AZIN2: variants seen among roughly 807,000 people sequenced by gnomAD.
AZIN2 encodes the protein ODC antizyme inhibitor-2.
In AZIN2, 28 loss-of-function variants were observed where a neutral mutation model predicts 47.8. The observed-to-expected ratio is 0.59, with a 90% CI of 0.43 to 0.80. AZIN2 has a LOEUF of 0.80. Among genes scored for constraint, AZIN2 ranks in the 30% least tolerant of loss-of-function variants. The pLI, the probability that AZIN2 is intolerant of heterozygous loss-of-function variation, is 0.00. For missense variants in AZIN2, 535 were observed against 582.5 expected (o/e 0.92, Z 0.84); for synonymous variants, 221 against 239.4 (o/e 0.92, Z 0.71).
intron 5 of AZIN2, among the ~76,000 whole-genome samples, chr1:33,086,042 G>A (rs961953972): frequency 1.3e-5 from 2 of 152,192 alleles, no homozygotes; most frequent in African/African-American, 4.8e-5. Flanking sequence ...GGAGGAGCTT[G>A]GTTCTGTAGA....
rs546616986 is a variant in AZIN2, at chr1:33,113,463, T to A, written c.1030-4439T>A. Among the ~76,000 whole-genome samples the A allele has an allele frequency of 6.6e-6, 1 of 152,196 alleles. No homozygotes were observed. Among genetic ancestry groups the A allele is most frequent in the Non-Finnish European group, 1.5e-5 (1 of 68,040 alleles). On this transcript the variant is annotated intron_variant, in intron 10 of 11. Coordinates refer to ENST00000294517, the MANE Select transcript of AZIN2 (RefSeq NM_052998.4). The surrounding 1 kb of genome is among the most constrained non-coding windows in gnomAD (Gnocchi z 4.1). ...AACCACACCCACCCCCTTAAGATTT[T>A]CCAGGTGGGCAAATACGTTATCTGC...
the AZIN2 span, among the ~76,000 whole-genome samples, chr1:33,129,645 C>A: frequency 6.6e-6 from 1 of 152,082 alleles, no homozygotes; most frequent in African/African-American, 2.4e-5. This position sits in a 1 kb window ranked among gnomAD's most constrained non-coding sequence, Gnocchi z 4.1. Context: ...GGCATAAAAC[C>A]CAACCTGCTC....
At chr1:33,110,314 T>G (rs1347124379) in intron 10 of AZIN2, among the ~76,000 whole-genome samples, 2 of 152,194 alleles carry the variant, frequency 1.3e-5, no homozygotes, top group African/African-American at 2.4e-5. Flanking sequence ...CAGTTTAGGC[T>G]TCTCACTGAT....
At chr1:33,114,103 G>C (rs961210683) in intron 10 of AZIN2, among the ~76,000 whole-genome samples, 1 of 150,432 alleles carries the variant, frequency 6.6e-6, no homozygotes, top group Non-Finnish European at 1.5e-5. Flanking sequence ...AAATATTTTT[G>C]TACGAATTAT....
intron 10 of AZIN2, among the ~76,000 whole-genome samples, 169 bp from the exon 11 acceptor site, chr1:33,117,733 A>G (rs1377940981): frequency 2.0e-5 from 3 of 152,242 alleles, no homozygotes. Context: ...TTCAGAGTGT[A>G]AGAGGCAACG....
chr1:33,123,909 A>C (rs1235654395), downstream of AZIN2, among the ~76,000 whole-genome samples: 2 of 152,184 alleles, frequency 1.3e-5, no homozygotes, highest in East Asian at 3.9e-4. Context: ...AGGCAGGAGA[A>C]TCACTTGAAC....
At chr1:33,154,179 G>C in the AZIN2 span, among the ~76,000 whole-genome samples, 2 of 152,220 alleles carry the variant, frequency 1.3e-5, no homozygotes, top group Non-Finnish European at 2.9e-5. Flanking sequence ...TCTAAAGATG[G>C]GCCGGGTGTG....
the AZIN2 span, among the ~76,000 whole-genome samples, chr1:33,153,548 G>C: frequency 9.2e-5 from 14 of 152,214 alleles, no homozygotes; most frequent in Admixed American, 2.0e-4. Flanking sequence ...GCACAGAGCG[G>C]GGCCCTGCAA....
At position 33,108,342 on chromosome 1, in the gene AZIN2, C is replaced by CTTTTTTTTT. The variant is rs34834263; in HGVS notation, c.1030-9550_1030-9542dup. Among the ~76,000 whole-genome samples, 152 of 134,724 alleles carry CTTTTTTTTT rather than the reference C, an allele frequency of 1.1e-3. 1 individual carries two copies. The highest frequency in any genetic ancestry group is 3.9e-3 in the African/African-American group (142 of 35,994). The allele number at this position is 134,724 out of a possible 152,430, so 88.4% of individuals were successfully genotyped here. On this transcript the variant is annotated intron_variant, in intron 10 of 11. Transcript: ENST00000294517. ...AATGGATTAAAGACTTTCAGATTGA[C>CTTTTTTTTT]TTTTTTTTTTTTTTTTTTGAGACAG...
At chr1:33,116,999 G>T (rs1644575118) in intron 10 of AZIN2, among the ~76,000 whole-genome samples, 1 of 152,218 alleles carries the variant, frequency 6.6e-6, no homozygotes, top group African/African-American at 2.4e-5. Flanking sequence ...CAAGATCCCT[G>T]CCTACACTGT....
chr1:33,096,742 C>T lies in AZIN2; in HGVS notation c.789C>T (p.Tyr263=). 2 of 1,614,262 alleles carry T rather than the reference C, an allele frequency of 1.2e-6. No individual in the cohort carries two copies. Among genetic ancestry groups the T allele is most frequent in the Non-Finnish European group, 1.7e-6 (2 of 1,180,038 alleles). Residue 263 remains tyrosine (Y), a synonymous_variant, in exon 9 of 12, where the codon TAC becomes TAT. Coordinates refer to ENST00000294517, the MANE Select transcript of AZIN2 (RefSeq NM_052998.4). Reference sequence around the variant, plus strand: ...TGATCAACTCAGCCTTGGACCTGTACTTCCCAGAGGGCTGTGGCGTGGACA... The same window carrying T: ...TGATCAACTCAGCCTTGGACCTGTATTTCCCAGAGGGCTGTGGCGTGGACA... ...ASVINSALDL[Y]FPEGCGVDIF...
At chr1:33,154,154 A>G in the AZIN2 span, among the ~76,000 whole-genome samples, 1 of 152,226 alleles carries the variant, frequency 6.6e-6, no homozygotes, top group African/African-American at 2.4e-5. Context: ...GAGGGAGAAT[A>G]TGGCTCATTT....
chr1:33,131,625 TAAAA>T, the AZIN2 span, among the ~76,000 whole-genome samples: 2 of 151,320 alleles, frequency 1.3e-5, no homozygotes, highest in Admixed American at 6.6e-5. Flanking sequence ...TTAAAAGAAA[TAAAA>T]TAAATAATTA....
At position 33,117,526 on chromosome 1, in the gene AZIN2, C is replaced by T. The variant is rs561575545; in HGVS notation, c.1030-376C>T. Among the ~76,000 whole-genome samples the T allele has an allele frequency of 5.3e-5, 8 of 152,348 alleles. No homozygotes were observed. The South Asian group carries it at 6.2e-4, about 12-fold the overall frequency. ...ATTGTGCTGACTTTCTGTGCACCCT[C>T]GCCGTGTGCCGCCACTGTTCTACAT... On this transcript the variant is annotated intron_variant, in intron 10 of 11. Transcript: ENST00000294517.
the AZIN2 span, chr1:33,147,669 G>C: frequency 1.9e-6 from 3 of 1,613,860 alleles, no homozygotes; most frequent in Non-Finnish European, 2.5e-6. The surrounding 1 kb of genome is among the most constrained non-coding windows in gnomAD (Gnocchi z 8.1). Flanking sequence ...TGGTGCAGTC[G>C]TCCGACAGGA....
chr1:33,155,185 C>T, the AZIN2 span, among the ~76,000 whole-genome samples: 5 of 151,346 alleles, frequency 3.3e-5, no homozygotes, highest in Non-Finnish European at 5.9e-5. Flanking sequence ...CATTCTCCCA[C>T]CTCAGCCTCC....
chr1:33,159,143 C>T, the AZIN2 span, among the ~76,000 whole-genome samples: 4 of 151,944 alleles, frequency 2.6e-5, no homozygotes, highest in Admixed American at 2.0e-4. The surrounding 1 kb of genome is among the most constrained non-coding windows in gnomAD (Gnocchi z 4.2). Flanking sequence ...CCGTGCCCAG[C>T]AGGAGCCTCA....
chr1:33,081,832 G>A lies in AZIN2; in HGVS notation c.-73+20G>A, dbSNP rs1038364528. 3 of 271,490 alleles carry A rather than the reference G, an allele frequency of 1.1e-5. No individual in the cohort carries two copies. The highest frequency in any genetic ancestry group is 1.4e-5 in the Non-Finnish European group (2 of 138,110). The allele number at this position is 271,490 out of a possible 1,614,324, so 16.8% of individuals were successfully genotyped here. Reference sequence around the variant, plus strand: ...CTCTAGGTGGGCGTGGTCAAGACTGGGGGCGCCCTGGAAACTTCCCCACCC... The same window carrying A: ...CTCTAGGTGGGCGTGGTCAAGACTGAGGGCGCCCTGGAAACTTCCCCACCC... On this transcript the variant is annotated intron_variant, in intron 3 of 11. Coordinates refer to ENST00000294517, the MANE Select transcript of AZIN2 (RefSeq NM_052998.4). This position sits in a 1 kb window ranked among gnomAD's most constrained non-coding sequence, Gnocchi z 4.2.
chr1:33,098,026 C>A, intron 9 of AZIN2, 41 bp from the exon 10 acceptor site: 2 of 1,476,760 alleles, frequency 1.4e-6, no homozygotes, highest in Non-Finnish European at 1.9e-6. Context: ...CACCCCCTCA[C>A]ATTGCTACTT....
Sources: allele counts gnomAD v4.1 joint callset (sites outside exome capture counted in the v4.1 genomes callset), GRCh38; gene constraint gnomAD v4.1.1; non-coding constraint Gnocchi (gnomAD v3.1); transcripts MANE v1.5; gene names NCBI Gene and HGNC (gene_info 2026-07-23, HGNC 2026-07-21).